The following GIGYF2 variants were observed in gnomAD, a reference collection of about 807,000 sequenced individuals.
GIGYF2 encodes GRB10-interacting GYF protein 2.
Under a neutral mutation model 208.1 loss-of-function variants are expected in GIGYF2, and 25 were observed. The ratio of observed to expected loss-of-function variants is 0.12; its 90% CI spans 0.09 to 0.17. The LOEUF (loss-of-function observed/expected upper bound fraction) is 0.17. Among genes scored for constraint, GIGYF2 ranks in the 10% least tolerant of loss-of-function variants. The pLI, the probability that GIGYF2 is intolerant of heterozygous loss-of-function variation, is 1.00. For missense variants in GIGYF2, 1,302 were observed against 1,579.4 expected (o/e 0.82, Z 2.98); for synonymous variants, 534 against 543.8 (o/e 0.98, Z 0.25).
intron 6 of GIGYF2, among the ~76,000 whole-genome samples, chr2:232,759,280 T>C (rs763025226): frequency 3.9e-5 from 6 of 152,156 alleles, no homozygotes; most frequent in Non-Finnish European, 5.9e-5. Flanking sequence ...TTTGGGTCAT[T>C]GTGCACTGTG....
intron 8 of GIGYF2, among the ~76,000 whole-genome samples, chr2:232,770,503 T>C (rs2293780): frequency 0.66 from 99,742 of 152,080 alleles, 32,998 homozygotes; most frequent in South Asian, 0.79. Flanking sequence ...AACCAAATTC[T>C]TTTGTTAGGT....
At chr2:232,841,487 G>A (rs933898789) in intron 23 of GIGYF2, among the ~76,000 whole-genome samples, 30 of 138,016 alleles carry the variant, frequency 2.2e-4, no homozygotes, top group African/African-American at 8.1e-4. Context: ...TTTTTTTTAA[G>A]TATTTTTAGT....
rs1700068257 is a variant in GIGYF2 at position 232,791,453 on chromosome 2, A to G, written c.1282+7A>G. Reference sequence around the variant, plus strand: ...GTGCCCAGCAGAGGGGATGGTATGTATTTGTGGGAATAGACAAGCTAAAAT... The same window carrying G: ...GTGCCCAGCAGAGGGGATGGTATGTGTTTGTGGGAATAGACAAGCTAAAAT... On this transcript the variant is annotated splice_region_variant and intron_variant, in intron 12 of 28. Transcript: ENST00000373563. 1.9e-6 allele frequency: 3 copies of G among 1,610,734 alleles called. No homozygotes were observed. The highest frequency in any genetic ancestry group is 2.5e-6 in the Non-Finnish European group (3 of 1,177,702).
intron 21 of GIGYF2, among the ~76,000 whole-genome samples, chr2:232,821,325 G>A (rs113166238): frequency 2.4e-4 from 36 of 151,938 alleles, no homozygotes; most frequent in African/African-American, 8.2e-4. Flanking sequence ...TCAGCCTCCC[G>A]AGTAGCTGGG....
At chr2:232,775,391 T>G (rs1313530426) in intron 8 of GIGYF2, among the ~76,000 whole-genome samples, 2 of 152,218 alleles carry the variant, frequency 1.3e-5, no homozygotes, top group Non-Finnish European at 2.9e-5. Context: ...CTCTACAGAC[T>G]TATGTAAACA....
chr2:232,840,076 T>C lies in GIGYF2; in HGVS notation c.2889+105T>C, dbSNP rs1701772317. 3.3e-6 allele frequency: 4 copies of C among 1,209,240 alleles called. No homozygotes were observed. The East Asian group carries it at 9.9e-5, about 30-fold the overall frequency. 74.9% of individuals were successfully genotyped at this position (1,209,240 alleles called of 1,614,324 possible). ...AGGACAATTACTGTCAGAATTGTTGTGTGTCTGAATTGGACGTTCATTATT... is the reference window on the plus strand; with the variant it reads ...AGGACAATTACTGTCAGAATTGTTGCGTGTCTGAATTGGACGTTCATTATT... On this transcript the variant is annotated intron_variant, in intron 23 of 28. Coordinates refer to ENST00000373563, the MANE Select transcript of GIGYF2 (RefSeq NM_001103146.3).
chr2:232,761,153 A>G (rs1310735847), intron 7 of GIGYF2, among the ~76,000 whole-genome samples: 1 of 152,184 alleles, frequency 6.6e-6, no homozygotes, highest in Non-Finnish European at 1.5e-5. Context: ...TATACTATGT[A>G]TCTAATTTAA....
chr2:232,796,943 A>G (rs1445649693), intron 14 of GIGYF2, among the ~76,000 whole-genome samples: 3 of 152,170 alleles, frequency 2.0e-5, no homozygotes, highest in Non-Finnish European at 4.4e-5. Flanking sequence ...ACTTTTTAAA[A>G]CTTAAGCAAA....
intron 2 of GIGYF2, among the ~76,000 whole-genome samples, chr2:232,709,163 C>T (rs953618554): frequency 6.6e-6 from 1 of 152,066 alleles, no homozygotes; most frequent in Non-Finnish European, 1.5e-5. Flanking sequence ...TAACTTTAGA[C>T]AGGTTAGCCT....
At chr2:232,835,655 A>T (rs1000130391) in intron 22 of GIGYF2, among the ~76,000 whole-genome samples, 3 of 151,962 alleles carry the variant, frequency 2.0e-5, no homozygotes, top group African/African-American at 7.3e-5. Context: ...GACTGGATGG[A>T]TTATTTTAGT....
chr2:232,858,900 C>G lies in GIGYF2; in HGVS notation c.*2040C>G. ...TCCTGCCCTCATACCGCAGACACAC[C>G]CACTCTGAACACACCCCTCCAGAGC... On this transcript the variant is annotated 3_prime_UTR_variant, in exon 29 of 29. Transcript: ENST00000373563. 4.6e-6 allele frequency: 1 copy of G among 217,784 alleles called. No homozygotes were observed. The highest frequency in any genetic ancestry group is 9.2e-6 in the Non-Finnish European group (1 of 108,534). 13.5% of individuals were successfully genotyped at this position (217,784 alleles called of 1,614,324 possible).
intron 8 of GIGYF2, chr2:232,768,748 C>T: frequency 6.2e-7 from 1 of 1,601,170 alleles, no homozygotes. Context: ...GCTACTACTG[C>T]TGTGTCAGTA....
At position 232,756,308 on chromosome 2, in the gene GIGYF2, G is replaced by A. The variant is rs776752553; in HGVS notation, c.353G>A (p.Arg118Lys). The A allele has an allele frequency of 6.3e-6, 10 of 1,574,868 alleles. No homozygotes were observed. Among genetic ancestry groups the A allele is most frequent in the Non-Finnish European group, 8.6e-6 (10 of 1,164,284 alleles). The part of the protein sequence containing the change: ...GGGGTVVGAP[R>K]GRSSSRGRGR... ...GGAGGAACAGTGGTGGGGGCTCCTA[G>A]AGGTCGAAGTTCTTCAAGAGGGCGA... Residue 118 changes from arginine to lysine, a missense_variant, in exon 6 of 29, where the codon AGA becomes AAA. Transcript: ENST00000373563.
At chr2:232,797,270 C>G (rs1196702112) in intron 14 of GIGYF2, among the ~76,000 whole-genome samples, 1 of 152,080 alleles carries the variant, frequency 6.6e-6, no homozygotes, top group East Asian at 1.9e-4. Context: ...TGAAATCTAT[C>G]CTGTTACCCT....
In GIGYF2 at chr2:232,845,738, T is replaced by C. The variant is rs1701978467; in HGVS notation, c.3312T>C (p.Ser1104=). 1.3e-6 allele frequency: 2 copies of C among 1,599,762 alleles called. No homozygotes were observed. The highest frequency in any genetic ancestry group is 1.7e-6 in the Non-Finnish European group (2 of 1,166,946). ...CCCTATTGTTTTGCTTTAGTAAATC[T>C]GTAGGTGTGTCTAACCGGCAGAATA... The part of the protein sequence containing the change: ...KNKNNASLSK[S]VGVSNRQNKK... Residue 1104 remains serine, a synonymous_variant, in exon 26 of 29, where the codon TCT becomes TCC. Coordinates refer to ENST00000373563, the MANE Select transcript of GIGYF2 (RefSeq NM_001103146.3).
chr2:232,850,553 AAGTAGCC>A, intron 28 of GIGYF2, 144 bp downstream of exon 28: 1 of 836,694 alleles, frequency 1.2e-6, no homozygotes, highest in Non-Finnish European at 2.0e-6. Flanking sequence ...GGTTCAAAAT[AAGTAGCC>A]AGTATTTACT....
At chr2:232,759,849 C>T (rs1698678228) in intron 6 of GIGYF2, among the ~76,000 whole-genome samples, 1 of 152,078 alleles carries the variant, frequency 6.6e-6, no homozygotes, top group Middle Eastern at 3.2e-3. Context: ...GCCTCTCAAT[C>T]CCTATGCCCA....
chr2:232,725,766 C>T (rs954540460), intron 2 of GIGYF2, among the ~76,000 whole-genome samples: 1 of 152,104 alleles, frequency 6.6e-6, no homozygotes, highest in Non-Finnish European at 1.5e-5. Context: ...CAGGAGTTAT[C>T]GTATTCCTTG....
chr2:232,778,793 G>T (rs575071834), intron 8 of GIGYF2, among the ~76,000 whole-genome samples: 1 of 152,060 alleles, frequency 6.6e-6, no homozygotes, highest in African/African-American at 2.4e-5. Flanking sequence ...GAAAATGAGG[G>T]GAGGAAATGT....
Sources: gnomAD v4.1 joint callset for allele counts (sites outside exome capture counted in the v4.1 genomes callset) on GRCh38, gnomAD v4.1.1 for gene constraint, MANE v1.5 for transcripts, NCBI Gene and HGNC (gene_info 2026-07-23, HGNC 2026-07-21) for gene names.